ZDHHC3: variants seen among roughly 807,000 people sequenced by gnomAD.
The protein encoded by ZDHHC3 is zDHHC palmitoyltransferase 3.
In ZDHHC3, 9 loss-of-function variants were observed where a neutral mutation model predicts 30.6. The observed-to-expected ratio is 0.29, with a 90% CI of 0.18 to 0.51. The LOEUF (loss-of-function observed/expected upper bound fraction) is 0.51. Ranked by LOEUF, ZDHHC3 falls within the 20% of genes least tolerant of loss-of-function variation. The pLI is 0.97. For synonymous variants in ZDHHC3, 136 were observed against 140.2 expected (o/e 0.97, Z 0.21); for missense variants, 246 against 384.2 (o/e 0.64, Z 3.01).
chr3:44,945,447 T>C, intron 2 of ZDHHC3, 155 bp from the exon 3 acceptor site: 3 of 1,120,586 alleles, frequency 2.7e-6, no homozygotes, highest in Non-Finnish European at 3.8e-6. Flanking sequence ...TTCAGAATTA[T>C]GCCAACATTA....
rs1320146594 is a variant in ZDHHC3 at position 44,923,709 on chromosome 3, A to C, written c.*2980T>G. The C allele has an allele frequency of 1.2e-6, 1 of 821,588 alleles. No homozygotes were observed. The highest frequency in any genetic ancestry group is 1.3e-4 in the East Asian group (1 of 7,994). 50.9% of individuals were successfully genotyped at this position (821,588 alleles called of 1,614,324 possible). On this transcript the variant is annotated 3_prime_UTR_variant, in exon 7 of 7. Coordinates refer to ENST00000424952, the MANE Select transcript of ZDHHC3 (RefSeq NM_001135179.2). Reference sequence around the variant, plus strand: ...CCCTGGATATTCAGGAGGCCAAGGCACAAGAATCACTTGAGCCCAGGAGTT... The same window carrying C: ...CCCTGGATATTCAGGAGGCCAAGGCCCAAGAATCACTTGAGCCCAGGAGTT...
At position 44,917,110 on chromosome 3, in the gene ZDHHC3, A is replaced by G. The variant is rs1212403850; in HGVS notation, c.*9579T>C. The G allele has an allele frequency of 3.9e-5, 6 of 152,180 alleles. No individual in the cohort carries two copies. Among genetic ancestry groups the G allele is most frequent in the African/African-American group, 1.4e-4 (6 of 41,418 alleles). 9.4% of individuals were successfully genotyped at this position (152,180 alleles called of 1,614,324 possible). ...CATATCCACATCTGTGAATGGCTAG[A>G]TATGTAGCCACAGGCAGGACAGCTC... On this transcript the variant is annotated 3_prime_UTR_variant, in exon 7 of 7. Coordinates refer to ENST00000424952, the MANE Select transcript of ZDHHC3 (RefSeq NM_001135179.2).
At chr3:44,944,117 C>T (rs1702687500) in intron 3 of ZDHHC3, among the ~76,000 whole-genome samples, 1 of 152,090 alleles carries the variant, frequency 6.6e-6, no homozygotes, top group Admixed American at 6.5e-5. Context: ...GCTGGGGCTG[C>T]AGATGTGTGC....
At chr3:44,963,906 T>C (rs949201752) in intron 1 of ZDHHC3, among the ~76,000 whole-genome samples, 5 of 152,204 alleles carry the variant, frequency 3.3e-5, no homozygotes, top group African/African-American at 1.2e-4. Context: ...GAGCAGCCAC[T>C]AAATGCAAGG....
chr3:44,942,703 TCA>T (rs1702545789), intron 3 of ZDHHC3, among the ~76,000 whole-genome samples: 1 of 152,376 alleles, frequency 6.6e-6, no homozygotes, highest in East Asian at 1.9e-4. Context: ...GCTAGGTGAC[TCA>T]CAGTTACTCA....
chr3:44,966,913 T>C (rs1459756295), intron 1 of ZDHHC3, among the ~76,000 whole-genome samples: 1 of 152,142 alleles, frequency 6.6e-6, no homozygotes, highest in Non-Finnish European at 1.5e-5. Context: ...AAAGGTGCCT[T>C]ATCTTCTGCG....
intron 3 of ZDHHC3, among the ~76,000 whole-genome samples, chr3:44,944,457 T>G (rs1702739335): frequency 6.6e-6 from 1 of 152,120 alleles, no homozygotes; most frequent in Non-Finnish European, 1.5e-5. Flanking sequence ...AATTTTTAAA[T>G]TTTTTTGTAG....
At chr3:44,963,217 T>G (rs1704631776) in intron 1 of ZDHHC3, among the ~76,000 whole-genome samples, 1 of 151,998 alleles carries the variant, frequency 6.6e-6, no homozygotes. Context: ...GACCAAAGAG[T>G]GTACAGAGGA....
At chr3:44,938,175 G>A (rs1467626489) in intron 3 of ZDHHC3, 3 of 201,386 alleles carry the variant, frequency 1.5e-5, no homozygotes, top group Non-Finnish European at 3.1e-5. Context: ...GTGGAGACGG[G>A]GTTTCACCAT....
intron 5 of ZDHHC3, among the ~76,000 whole-genome samples, chr3:44,930,952 C>A (rs1180571086): frequency 6.6e-6 from 1 of 152,192 alleles, no homozygotes; most frequent in Non-Finnish European, 1.5e-5. Flanking sequence ...GCTCTAACTA[C>A]AAGGCCCATA....
In ZDHHC3 at chr3:44,920,210, C is replaced by T. The variant is rs778339251; in HGVS notation, c.*6479G>A. 2.5e-5 allele frequency: 32 copies of T among 1,289,838 alleles called. No individual in the cohort carries two copies. The South Asian group carries it at 3.8e-4, about 15-fold the overall frequency. 79.9% of individuals were successfully genotyped at this position (1,289,838 alleles called of 1,614,324 possible). Reference sequence around the variant, plus strand: ...AAGGGACCTTCATGTGGGTCATGAGCATGTGATGCCATGCTGCTTCCTGAC... The same window carrying T: ...AAGGGACCTTCATGTGGGTCATGAGTATGTGATGCCATGCTGCTTCCTGAC... On this transcript the variant is annotated 3_prime_UTR_variant, in exon 7 of 7. Coordinates refer to ENST00000424952, the MANE Select transcript of ZDHHC3 (RefSeq NM_001135179.2).
At chr3:44,968,515 C>T (rs1173841351) in intron 1 of ZDHHC3, among the ~76,000 whole-genome samples, 1 of 152,048 alleles carries the variant, frequency 6.6e-6, no homozygotes, top group Non-Finnish European at 1.5e-5. Flanking sequence ...GGCAATATAG[C>T]GAGACCTCAT....
rs1700862578 is a variant in ZDHHC3 at position 44,924,890 on chromosome 3, T to C, written c.*1799A>G. The C allele has an allele frequency of 3.0e-6, 3 of 985,386 alleles. No homozygotes were observed. The highest frequency in any genetic ancestry group is 1.2e-4 in the Admixed American group (2 of 16,262). 61.0% of individuals were successfully genotyped at this position (985,386 alleles called of 1,614,324 possible). The stretch of plus-strand genomic sequence containing the variant: ...CGCCCGTATCGCATGAATAGCACCG[T>C]AGACACGAGGTAAAGTTAACTGACT... On this transcript the variant is annotated 3_prime_UTR_variant, in exon 7 of 7. Coordinates refer to ENST00000424952, the MANE Select transcript of ZDHHC3 (RefSeq NM_001135179.2).
intron 1 of ZDHHC3, among the ~76,000 whole-genome samples, chr3:44,961,751 G>T (rs1704499242): frequency 1.3e-5 from 2 of 152,194 alleles, no homozygotes; most frequent in South Asian, 2.1e-4. Context: ...CATTCTTTTG[G>T]TTTTTCCTAC....
At chr3:44,939,746 C>T (rs1702278733) in intron 3 of ZDHHC3, among the ~76,000 whole-genome samples, 3 of 152,224 alleles carry the variant, frequency 2.0e-5, no homozygotes, top group South Asian at 4.1e-4. Flanking sequence ...GGAGACAAGG[C>T]GTGAATGCCA....
chr3:44,971,880 A>G (rs2125937639), intron 1 of ZDHHC3, among the ~76,000 whole-genome samples: 1 of 152,226 alleles, frequency 6.6e-6, no homozygotes, highest in Middle Eastern at 3.4e-3. Context: ...CTTCATTTCT[A>G]TCATTATTTT....
rs770993660 is a variant in ZDHHC3 at position 44,959,359 on chromosome 3, T to C, written c.78A>G (p.Pro26=). The C allele has an allele frequency of 1.1e-5, 18 of 1,613,748 alleles. No homozygotes were observed. The highest frequency in any genetic ancestry group is 1.5e-5 in the Non-Finnish European group (18 of 1,179,992). ...TTCCCACAGGACCAGGGTAGGGGGG[T>C]GGGACACACTTCTCTGGCTGGAGGT... ...PEYLQPEKCV[P]PPYPGPVGTM... is the part of the protein sequence containing the mutation. The change falls in exon 2 of 7, where the codon CCA becomes CCG. Residue 26 remains proline, a synonymous_variant. Transcript: ENST00000424952. This position sits in a 1 kb window ranked among gnomAD's most constrained non-coding sequence, Gnocchi z 4.3.
chr3:44,929,033 G>C (rs141101263), intron 6 of ZDHHC3, among the ~76,000 whole-genome samples: 62 of 152,334 alleles, frequency 4.1e-4, no homozygotes, highest in African/African-American at 1.3e-3. Flanking sequence ...CCTGCCATGG[G>C]GGGGATGGAA....
At chr3:44,937,265 G>A (rs919638226) in intron 3 of ZDHHC3, among the ~76,000 whole-genome samples, 1 of 151,922 alleles carries the variant, frequency 6.6e-6, no homozygotes, top group Admixed American at 6.6e-5. Flanking sequence ...GCAGCATGGC[G>A]AGACCCTGTC....
Sources: allele counts gnomAD v4.1 joint callset (sites outside exome capture counted in the v4.1 genomes callset), GRCh38; gene constraint gnomAD v4.1.1; non-coding constraint Gnocchi (gnomAD v3.1); transcripts MANE v1.5; gene names NCBI Gene and HGNC (gene_info 2026-07-23, HGNC 2026-07-21).